The following MGAT4B variants were observed in gnomAD, a reference collection of about 807,000 sequenced individuals.
MGAT4B encodes N-acetylglucosaminyltransferase IVb.
A neutral mutation model predicts 73.9 loss-of-function variants in MGAT4B; 38 were observed. That is an observed-to-expected ratio of 0.51 (90% CI 0.40 to 0.67). MGAT4B has a LOEUF of 0.67. Among genes scored for constraint, MGAT4B ranks in the 30% least tolerant of loss-of-function variants. The probability of loss-of-function intolerance (pLI) is 0.00; values close to 1 mark genes in which losing one functional copy is unlikely to be tolerated. For synonymous variants in MGAT4B, 373 were observed against 313.5 expected (o/e 1.19, Z -2.01); for missense variants, 686 against 735.2 (o/e 0.93, Z 0.77).
chr5:179,802,596 T>C (rs949127499), intron 1 of MGAT4B: 1 of 990,238 alleles, frequency 1.0e-6, no homozygotes, highest in Non-Finnish European at 1.2e-6. Flanking sequence ...CTGAACGCCC[T>C]GGTGCCTGTG....
In MGAT4B at chr5:179,801,647, G is replaced by A. The variant is rs767787665; in HGVS notation, c.331C>T (p.His111Tyr). 1.2e-6 allele frequency: 2 copies of A among 1,606,510 alleles called. No homozygotes were observed. Among genetic ancestry groups the A allele is most frequent in the Admixed American group, 1.7e-5 (1 of 58,656 alleles). Residue 111 changes from histidine to tyrosine, a missense_variant, in exon 3 of 15, where the codon CAC becomes TAC. Physicochemically the swap from His to Tyr is moderately conservative, Grantham distance 83. Transcript: ENST00000292591. The surrounding 1 kb of genome is among the most constrained non-coding windows in gnomAD (Gnocchi z 4.8). ...AGGTGATGGAAGACGGTGGGCAGGTGCAGCACGTGCCGGTGTGAGCCGTTC... is the reference window on the plus strand; with the variant it reads ...AGGTGATGGAAGACGGTGGGCAGGTACAGCACGTGCCGGTGTGAGCCGTTC... Reference protein sequence around the residue: ...PWNGSHRHVLHLPTVFHHLPH... With the variant: ...PWNGSHRHVLYLPTVFHHLPH...
rs1581973469 is a variant in MGAT4B at position 179,800,178 on chromosome 5, G to T, written c.795+6C>A. On this transcript the variant is annotated splice_donor_region_variant and intron_variant, in intron 7 of 14. Coordinates refer to ENST00000292591, the MANE Select transcript of MGAT4B (RefSeq NM_014275.5). ...AGGGCAGGGCAACGCAGGGCTTGGG[G>T]CTGACCTGCACGTAGTAGATGCCTT... 1 of 1,612,914 alleles carries T rather than the reference G, an allele frequency of 6.2e-7. No individual in the cohort carries two copies. The highest frequency in any genetic ancestry group is 8.5e-7 in the Non-Finnish European group (1 of 1,179,856).
chr5:179,805,265 A>G (rs1048259006), intron 1 of MGAT4B: 6 of 152,320 alleles, frequency 3.9e-5, no homozygotes, highest in African/African-American at 1.4e-4. Flanking sequence ...CCAGCCCTTC[A>G]GATATGGCCC....
rs1346552682 is a variant in MGAT4B at position 179,801,657 on chromosome 5, C to T, written c.321G>A (p.Arg107=). ...PRLKPWNGSH[R]HVLHLPTVFH... is the part of the protein sequence containing the mutation. ...AGACGGTGGGCAGGTGCAGCACGTG[C>T]CGGTGTGAGCCGTTCCACGGCTTCA... Residue 107 remains arginine (R), a synonymous_variant, in exon 3 of 15, where the codon CGG becomes CGA. Transcript: ENST00000292591. This position sits in a 1 kb window ranked among gnomAD's most constrained non-coding sequence, Gnocchi z 4.8. 1 of 1,606,570 alleles carries T rather than the reference C, an allele frequency of 6.2e-7. No homozygotes were observed. The highest frequency in any genetic ancestry group is 2.2e-5 in the East Asian group (1 of 44,530).
chr5:179,806,496 C>G lies in MGAT4B; in HGVS notation c.88G>C (p.Gly30Arg). The G allele has an allele frequency of 7.6e-7, 1 of 1,311,006 alleles. No individual in the cohort carries two copies. The highest frequency in any genetic ancestry group is 1.0e-6 in the Non-Finnish European group (1 of 1,004,236). The allele number at this position is 1,311,006 out of a possible 1,614,324, so 81.2% of individuals were successfully genotyped here. The change falls in exon 1 of 15, where the codon GGC (glycine) becomes CGC (arginine). Residue 30 changes from glycine to arginine, a missense_variant. Physicochemically the swap from Gly to Arg is moderately radical, Grantham distance 125. Transcript: ENST00000292591. The surrounding 1 kb of genome is among the most constrained non-coding windows in gnomAD (Gnocchi z 4.6). ...LSLSWYAALS[G>R]QKGDVVDVYQ... is the part of the protein sequence containing the mutation. Reference sequence around the variant, plus strand: ...CGGGGGTCGCGCTCACCTTTCTGGCCGCTGAGTGCCGCGTACCAGGACAGC... The same window carrying G: ...CGGGGGTCGCGCTCACCTTTCTGGCGGCTGAGTGCCGCGTACCAGGACAGC...
At position 179,801,392 on chromosome 5, in the gene MGAT4B, A is replaced by G. The variant is rs946607262; in HGVS notation, c.500T>C (p.Ile167Thr). 2 of 1,612,592 alleles carry G rather than the reference A, an allele frequency of 1.2e-6. No homozygotes were observed. The highest frequency in any genetic ancestry group is 1.7e-5 in the Admixed American group (1 of 60,002). ...CTTCTCCTGCGGGCTCAGCTCGGAG[A>G]TGAGCGAGTGCAGAGTGTCAGTCAG... ...SYLTDTLHSL[I>T]SELSPQEKED... The change falls in exon 4 of 15, where the codon ATC becomes ACC. Residue 167 changes from isoleucine (I) to threonine (T), a missense_variant. Physicochemically the swap from Ile to Thr is moderately conservative, Grantham distance 89. Coordinates refer to ENST00000292591, the MANE Select transcript of MGAT4B (RefSeq NM_014275.5). This position sits in a 1 kb window ranked among gnomAD's most constrained non-coding sequence, Gnocchi z 4.8.
intron 1 of MGAT4B, among the ~76,000 whole-genome samples, chr5:179,805,707 G>T (rs534831967): frequency 1.3e-5 from 2 of 152,364 alleles, no homozygotes; most frequent in South Asian, 4.1e-4. Flanking sequence ...AGCCCGCTTA[G>T]GCCTCCAGCA....
In MGAT4B at chr5:179,806,650, C is replaced by T; in HGVS notation, c.-67G>A. On this transcript the variant is annotated 5_prime_UTR_variant, in exon 1 of 15. Transcript: ENST00000292591. The surrounding 1 kb of genome is among the most constrained non-coding windows in gnomAD (Gnocchi z 4.6). ...ATGGCCCGGGGGACCGGGGCCGGGGCGCAGGGGTCGGAAGGCGGCGGCGGC... is the reference window on the plus strand; with the variant it reads ...ATGGCCCGGGGGACCGGGGCCGGGGTGCAGGGGTCGGAAGGCGGCGGCGGC... 1.1e-6 allele frequency: 1 copy of T among 872,782 alleles called. No homozygotes were observed. The highest frequency in any genetic ancestry group is 1.4e-6 in the Non-Finnish European group (1 of 717,608). 54.1% of individuals were successfully genotyped at this position (872,782 alleles called of 1,614,324 possible).
Position 179,800,508 on chromosome 5 carries a change from A to G in MGAT4B, c.695T>C (p.Phe232Ser). 6.2e-7 allele frequency: 1 copy of G among 1,610,292 alleles called. No homozygotes were observed. Among genetic ancestry groups the G allele is most frequent in the African/African-American group, 1.3e-5 (1 of 74,882 alleles). Residue 232 changes from phenylalanine (F) to serine (S), a missense_variant, in exon 6 of 15, where the codon TTT becomes TCT. Phe to Ser is a radical substitution (Grantham distance 155). This residue lies in a region of MGAT4B where 449 missense variants were observed against 536.8 expected (regional missense o/e 0.84). Coordinates refer to ENST00000292591, the MANE Select transcript of MGAT4B (RefSeq NM_014275.5). ...CCTGACTCTCTCCTTGGGGTCCCCA[A>G]AGGACTCTCGGAGGCGGGAGAAGTC... Reference protein sequence around the residue: ...YPDFSRLRESFGDPKERVRWR... With the variant: ...YPDFSRLRESSGDPKERVRWR...
Position 179,800,301 on chromosome 5 carries a change from C to T in MGAT4B, c.720-42G>A, listed in dbSNP as rs1413052692. 3 of 1,606,414 alleles carry T rather than the reference C, an allele frequency of 1.9e-6. No individual in the cohort carries two copies. In the Admixed American group the frequency reaches 5.0e-5, roughly 27 times the overall value. On this transcript the variant is annotated intron_variant, in intron 6 of 14. Transcript: ENST00000292591. ...GGCCTCAGAAGTTCAGACCCCTCCA[C>T]CTCCATTGTGGCTCCGCAGAGAAGC... is the stretch of plus-strand genomic sequence containing the variant.
chr5:179,799,413 A>G lies in MGAT4B; in HGVS notation c.1041+93T>C, dbSNP rs375480582. 16 of 1,604,574 alleles carry G rather than the reference A, an allele frequency of 1.0e-5. No individual in the cohort carries two copies. The East Asian group carries it at 2.0e-4, about 20-fold the overall frequency. On this transcript the variant is annotated intron_variant, in intron 9 of 14. Transcript: ENST00000292591. Reference sequence around the variant, plus strand: ...GCCCTCCCACAGCTGACAGTGCTCTATGTGAGCAGATGCAAGGACAGGGAC... The same window carrying G: ...GCCCTCCCACAGCTGACAGTGCTCTGTGTGAGCAGATGCAAGGACAGGGAC...
In MGAT4B at chr5:179,800,468, G is replaced by C. The variant is rs746546897; in HGVS notation, c.719+16C>G. ...AGGCAGGCGGGTTGCTGAGGGTATG[G>C]GGGAGTAACTAGTACCTGACTCTCT... On this transcript the variant is annotated intron_variant, in intron 6 of 14. Transcript: ENST00000292591. 78 of 1,556,468 alleles carry C rather than the reference G, an allele frequency of 5.0e-5. No individual in the cohort carries two copies. The highest frequency in any genetic ancestry group is 6.8e-5 in the Non-Finnish European group (77 of 1,136,396).
Position 179,798,930 on chromosome 5 carries a change from C to A in MGAT4B, c.1341G>T (p.Glu447Asp). 6.2e-7 allele frequency: 1 copy of A among 1,613,492 alleles called. No individual in the cohort carries two copies. The highest frequency in any genetic ancestry group is 8.5e-7 in the Non-Finnish European group (1 of 1,180,030). ...AGACCCATGGTGCTGGCACTGACCG[C>A]TCCAGTCTTAGAGGTTGGAAGAAGC... is the stretch of plus-strand genomic sequence containing the variant. ...RFRFFQPLRL[E>D]RFFFRSGNIE... The change falls in exon 11 of 15, where the codon GAG becomes GAT. Residue 447 changes from glutamate (E) to aspartate (D), a missense_variant and splice_region_variant. Around this residue, in one of 2 missense-constraint regions of MGAT4B, gnomAD observed 449 missense variants for 536.8 expected, o/e 0.84. Coordinates refer to ENST00000292591, the MANE Select transcript of MGAT4B (RefSeq NM_014275.5).
intron 11 of MGAT4B, 163 bp downstream of exon 11, chr5:179,798,765 C>T: frequency 9.4e-7 from 1 of 1,060,352 alleles, no homozygotes; most frequent in Non-Finnish European, 1.4e-6. Context: ...CATCCCTGAG[C>T]TCCTAGGGGC....
intron 5 of MGAT4B, 120 bp from the exon 6 acceptor site, chr5:179,800,717 C>T: frequency 1.1e-5 from 11 of 1,002,052 alleles, no homozygotes; most frequent in Non-Finnish European, 1.4e-5. Context: ...ACCCCCTACA[C>T]CCAGCCAACT....
chr5:179,803,078 G>C, intron 1 of MGAT4B: 1 of 985,558 alleles, frequency 1.0e-6, no homozygotes, highest in South Asian at 4.7e-5. Flanking sequence ...TCACCTCAGG[G>C]CACACCCCTT....
rs1020172835 is a variant in MGAT4B, at chr5:179,798,661, G to A, written c.1344-70C>T. ...AGCACAGCACCCAGGGCCCAGCAGA[G>A]AAAGGCCAGGCCTGCGCCAGGAGGG... On this transcript the variant is annotated intron_variant, in intron 11 of 14. Coordinates refer to ENST00000292591, the MANE Select transcript of MGAT4B (RefSeq NM_014275.5). 18 of 1,547,638 alleles carry A rather than the reference G, an allele frequency of 1.2e-5. No individual in the cohort carries two copies. The East Asian group carries it at 4.1e-4, about 35-fold the overall frequency.
rs867392773 is a variant in MGAT4B at position 179,799,008 on chromosome 5, G to A, written c.1263C>T (p.Arg421=). The A allele has an allele frequency of 8.7e-6, 14 of 1,613,886 alleles. No homozygotes were observed. Among genetic ancestry groups the A allele is most frequent in the South Asian group, 5.5e-5 (5 of 91,092 alleles). ...QHFTLEKAYL[R]EDFFWAFTPA... ...GGGTGAAGGCCCAGAAGAAGTCCTC[G>A]CGCAGGTAGGCTTTCTCCAGGGTGA... The change falls in exon 11 of 15, where the codon CGC becomes CGT. Residue 421 remains arginine (R), a synonymous_variant. Coordinates refer to ENST00000292591, the MANE Select transcript of MGAT4B (RefSeq NM_014275.5).
Position 179,801,758 on chromosome 5 carries a change from T to C in MGAT4B, c.283+26A>G. On this transcript the variant is annotated intron_variant, in intron 2 of 14. Coordinates refer to ENST00000292591, the MANE Select transcript of MGAT4B (RefSeq NM_014275.5). The surrounding 1 kb of genome is among the most constrained non-coding windows in gnomAD (Gnocchi z 4.8). ...ACCTACAACCAGCCCGCCCCCGCCT[T>C]TTCCCCCTCCCGCCCCAGACCTCAC... is the stretch of plus-strand genomic sequence containing the variant. The C allele has an allele frequency of 1.3e-6, 2 of 1,566,616 alleles. No homozygotes were observed. Among genetic ancestry groups the C allele is most frequent in the South Asian group, 1.2e-5 (1 of 86,588 alleles).
Sources: gnomAD v4.1 joint callset for allele counts (sites outside exome capture counted in the v4.1 genomes callset) on GRCh38, gnomAD v4.1.1 for gene constraint, gnomAD v4.1.1 regional missense constraint, Gnocchi (gnomAD v3.1) non-coding constraint, MANE v1.5 for transcripts, NCBI Gene and HGNC (gene_info 2026-07-23, HGNC 2026-07-21) for gene names.